The following RILPL1 variants were observed in gnomAD, a reference collection of about 807,000 sequenced individuals.
RILPL1 encodes the protein Rab interacting lysosomal protein like 1.
Under a neutral mutation model 50.3 loss-of-function variants are expected in RILPL1, and 33 were observed. The ratio of observed to expected loss-of-function variants is 0.66; its 90% CI spans 0.50 to 0.88. The LOEUF (loss-of-function observed/expected upper bound fraction) is 0.88. Among genes scored for constraint, RILPL1 ranks in the 40% least tolerant of loss-of-function variants. The pLI is 0.00. For synonymous variants in RILPL1, 205 were observed against 228.6 expected, an observed-to-expected ratio of 0.90 and a Z score of 0.93; for missense variants, 418 against 542.5, an observed-to-expected ratio of 0.77 and a Z score of 2.28.
chr12:123,528,603 A>G (rs1885343721), intron 1 of RILPL1, among the ~76,000 whole-genome samples: 1 of 151,388 alleles, frequency 6.6e-6, no homozygotes, highest in Non-Finnish European at 1.5e-5. Flanking sequence ...AATTTTTTGT[A>G]TTTTTAGTAG....
At chr12:123,504,954 C>T (rs1883640573) in intron 2 of RILPL1, among the ~76,000 whole-genome samples, 1 of 152,224 alleles carries the variant, frequency 6.6e-6, no homozygotes, top group African/African-American at 2.4e-5. Context: ...CACTTTCTCC[C>T]AGACAGAGCC....
chr12:123,490,273 G>A (rs1470056449), intron 4 of RILPL1, among the ~76,000 whole-genome samples: 5 of 152,060 alleles, frequency 3.3e-5, no homozygotes, highest in African/African-American at 9.7e-5. Context: ...CCCACCTCTC[G>A]AGAGGCCTCT....
intron 2 of RILPL1, chr12:123,515,415 C>A (rs1042486100): frequency 2.6e-5 from 4 of 151,050 alleles, no homozygotes; most frequent in Admixed American, 2.6e-4. Context: ...CTGACTCTTA[C>A]GCAGTAAGAG....
At chr12:123,475,760 G>A in intron 6 of RILPL1, 2 of 1,547,154 alleles carry the variant, frequency 1.3e-6, no homozygotes, top group Non-Finnish European at 1.8e-6. Flanking sequence ...CCTGGTTAGA[G>A]AAGTACAGAT....
At position 123,491,335 on chromosome 12, in the gene RILPL1, A is replaced by C. The variant is rs1882676856; in HGVS notation, c.802-5530T>G. On this transcript the variant is annotated intron_variant, in intron 4 of 6. Transcript: ENST00000376874. This position sits in a 1 kb window ranked among gnomAD's most constrained non-coding sequence, Gnocchi z 4.0. The stretch of plus-strand genomic sequence containing the variant: ...TGATCCCTGGAGGTACTCTGGGCAC[A>C]GCTTCAGAGCGATACCCTGAGGCCT... Among the ~76,000 whole-genome samples the C allele has an allele frequency of 6.6e-6, 1 of 152,182 alleles. No homozygotes were observed. Among genetic ancestry groups the C allele is most frequent in the Admixed American group, 6.5e-5 (1 of 15,284 alleles).
intron 2 of RILPL1, among the ~76,000 whole-genome samples, chr12:123,501,237 G>C (rs1014474930): frequency 2.6e-5 from 4 of 151,584 alleles, no homozygotes; most frequent in Non-Finnish European, 4.4e-5. Context: ...AGGAGTCTGA[G>C]AGCAGCCTGG....
chr12:123,498,794 G>C lies in RILPL1; in HGVS notation c.580-29C>G. ...TAGAAAAAGGGAGACCATTGTGCGGGGCTGCCACCTGCGGTAGCTCAGGTT... is the reference window on the plus strand; with the variant it reads ...TAGAAAAAGGGAGACCATTGTGCGGCGCTGCCACCTGCGGTAGCTCAGGTT... On this transcript the variant is annotated intron_variant, in intron 3 of 6. Coordinates refer to ENST00000376874, the MANE Select transcript of RILPL1 (RefSeq NM_178314.5). The surrounding 1 kb of genome is among the most constrained non-coding windows in gnomAD (Gnocchi z 4.3). 6.2e-7 allele frequency: 1 copy of C among 1,603,092 alleles called. No individual in the cohort carries two copies.
intron 2 of RILPL1, among the ~76,000 whole-genome samples, chr12:123,518,835 G>A (rs1035289860): frequency 1.3e-5 from 2 of 151,958 alleles, no homozygotes; most frequent in African/African-American, 4.8e-5. Context: ...GAGGCAGGCG[G>A]ATCATGAGGT....
intron 1 of RILPL1, among the ~76,000 whole-genome samples, chr12:123,532,248 G>A (rs964088864): frequency 6.6e-6 from 1 of 152,234 alleles, no homozygotes; most frequent in Non-Finnish European, 1.5e-5. Context: ...GGGCTGCCAA[G>A]AGCATCCCTG....
chr12:123,474,710 T>C (rs1258624214), intron 6 of RILPL1: 1 of 152,168 alleles, frequency 6.6e-6, no homozygotes, highest in African/African-American at 2.4e-5. Flanking sequence ...GGCTCTGAAC[T>C]TGGTAAGAGA....
chr12:123,482,055 G>A lies in RILPL1; in HGVS notation c.1067+2125C>T, dbSNP rs144139778. 8.0e-4 allele frequency among the ~76,000 whole-genome samples: 122 copies of A among 152,054 alleles called. No homozygotes were observed. The Middle Eastern group carries it at 0.017, about 21-fold the overall frequency. On this transcript the variant is annotated intron_variant, in intron 6 of 6. Transcript: ENST00000376874. ...CGCCCAGCTAATTTTTGTAGTTTTA[G>A]TAGAAATGAGGTTTCACCATGTTGG...
At chr12:123,500,286 T>C (rs1156747967) in intron 2 of RILPL1, among the ~76,000 whole-genome samples, 13 of 141,918 alleles carry the variant, frequency 9.2e-5, no homozygotes, top group African/African-American at 3.1e-4. Context: ...TTCTTTTTTT[T>C]TTTTTTTTTT....
chr12:123,476,471 C>T (rs1467954222), intron 6 of RILPL1, among the ~76,000 whole-genome samples: 3 of 150,930 alleles, frequency 2.0e-5, no homozygotes, highest in Non-Finnish European at 4.4e-5. Flanking sequence ...GAAATAGGGT[C>T]CTTACAAATG....
At chr12:123,515,379 G>C (rs1360673497) in intron 2 of RILPL1, 1 of 151,902 alleles carries the variant, frequency 6.6e-6, no homozygotes, top group Non-Finnish European at 1.5e-5. Context: ...GCAAAGGGGA[G>C]TGTCACGTTT....
chr12:123,490,709 A>G (rs1341783724), intron 4 of RILPL1, among the ~76,000 whole-genome samples: 1 of 149,108 alleles, frequency 6.7e-6, no homozygotes, highest in African/African-American at 2.5e-5. Flanking sequence ...AAGTGCTGGG[A>G]TTACAGGCGT....
intron 1 of RILPL1, among the ~76,000 whole-genome samples, chr12:123,532,350 C>G (rs1228778315): frequency 6.6e-6 from 1 of 152,168 alleles, no homozygotes; most frequent in Non-Finnish European, 1.5e-5. Context: ...GGCCCTGATT[C>G]AGAGAGACTC....
At position 123,499,518 on chromosome 12, in the gene RILPL1, C is replaced by T. The variant is rs771377990; in HGVS notation, c.479G>A (p.Arg160Gln). ...CTCCTTCAGCTTCTTCATCACCTGTCGCTCCCGCTCTGACATGCCTGGGTG... is the reference window on the plus strand; with the variant it reads ...CTCCTTCAGCTTCTTCATCACCTGTTGCTCCCGCTCTGACATGCCTGGGTG... ...QKHEGMSERE[R>Q]QVMKKLKEVV... Residue 160 changes from arginine (R) to glutamine (Q), a missense_variant, in exon 3 of 7, where the codon CGA becomes CAA. Physicochemically the swap from Arg to Gln is conservative, Grantham distance 43. Coordinates refer to ENST00000376874, the MANE Select transcript of RILPL1 (RefSeq NM_178314.5). The T allele has an allele frequency of 9.3e-6, 15 of 1,613,816 alleles. 1 individual carries two copies. The highest frequency in any genetic ancestry group is 2.2e-5 in the East Asian group (1 of 44,880).
chr12:123,520,025 G>A (rs61953535), intron 2 of RILPL1, among the ~76,000 whole-genome samples: 2,290 of 152,308 alleles, frequency 0.015, 24 homozygotes, highest in Middle Eastern at 0.037. Context: ...GCCTCCAGGC[G>A]CCCTGCAGAA....
In RILPL1 at chr12:123,533,555, G is replaced by GCCGGC; in HGVS notation, c.-78_-74dup. 1 of 1,316,680 alleles carries GCCGGC rather than the reference G, an allele frequency of 7.6e-7. No individual in the cohort carries two copies. The highest frequency in any genetic ancestry group is 9.9e-7 in the Non-Finnish European group (1 of 1,011,542). 81.6% of individuals were successfully genotyped at this position (1,316,680 alleles called of 1,614,324 possible). A position where few individuals can be genotyped will look rare whatever the true frequency, so the allele number is the denominator to read the frequency against. On this transcript the variant is annotated 5_prime_UTR_variant, in exon 1 of 7. Coordinates refer to ENST00000376874, the MANE Select transcript of RILPL1 (RefSeq NM_178314.5). This position sits in a 1 kb window ranked among gnomAD's most constrained non-coding sequence, Gnocchi z 6.2. ...CAAACTTGCCGCTGTCGAGGGCCGG[G>GCCGGC]CCGGCCGGGCCCAGCCTGGGCCGCG...
Sources: gnomAD v4.1 joint callset for allele counts (sites outside exome capture counted in the v4.1 genomes callset) on GRCh38, gnomAD v4.1.1 for gene constraint, Gnocchi (gnomAD v3.1) non-coding constraint, MANE v1.5 for transcripts, NCBI Gene and HGNC (gene_info 2026-07-23, HGNC 2026-07-21) for gene names.